AXDND1: variants seen among roughly 807,000 people sequenced by gnomAD.
AXDND1 encodes the protein axonemal dynein light chain domain containing 1.
AXDND1 carries 110 observed loss-of-function variants against 137.5 expected under a neutral mutation model. The observed-to-expected ratio is 0.80, with a 90% confidence interval of 0.69 to 0.94. AXDND1 has a LOEUF of 0.94. Ranked by LOEUF, AXDND1 falls within the 40% of genes least tolerant of loss-of-function variation. The probability of loss-of-function intolerance (pLI) is 0.00; values close to 1 mark genes in which losing one functional copy is unlikely to be tolerated. For synonymous variants in AXDND1, 414 were observed against 399.7 expected, an observed-to-expected ratio of 1.04 and a Z score of -0.43; for missense variants, 1,191 against 1,169.8, an observed-to-expected ratio of 1.02 and a Z score of -0.26.
In AXDND1 at chr1:179,382,755, A is replaced by T. The variant is rs1483425655; in HGVS notation, c.637A>T (p.Met213Leu). 2.5e-6 allele frequency: 4 copies of T among 1,585,790 alleles called. No homozygotes were observed. Among genetic ancestry groups the T allele is most frequent in the East Asian group, 2.2e-5 (1 of 44,610 alleles). The stretch of plus-strand genomic sequence containing the variant: ...AAACAGGCTATTGCTCTTCCCATCC[A>T]TGTAAGTACAGTTTATTTTCTAAAG... ...SENRLLLFPS[M>L]KPNKRVEVAQ... The change falls in exon 7 of 26, where the codon ATG becomes TTG. Residue 213 changes from methionine (M) to leucine (L), a missense_variant and splice_region_variant. Coordinates refer to ENST00000367618, the MANE Select transcript of AXDND1 (RefSeq NM_144696.6).
At chr1:179,437,062 A>G (rs7532985) in intron 15 of AXDND1, among the ~76,000 whole-genome samples, 67 of 138,812 alleles carry the variant, frequency 4.8e-4, no homozygotes, top group African/African-American at 1.7e-3. Context: ...TAAAAGAGAC[A>G]CTCACTGAAA....
At chr1:179,541,581 A>G (rs189460132) in intron 25 of AXDND1, among the ~76,000 whole-genome samples, 2 of 152,156 alleles carry the variant, frequency 1.3e-5, no homozygotes, top group East Asian at 3.9e-4. Context: ...ACATACAACC[A>G]TTTTAGAAAA....
At chr1:179,394,749 G>A (rs577329584) in intron 10 of AXDND1, among the ~76,000 whole-genome samples, 1 of 152,208 alleles carries the variant, frequency 6.6e-6, no homozygotes, top group South Asian at 2.1e-4. Flanking sequence ...TAACCTTGAA[G>A]CAAGATGGTT....
chr1:179,394,251 ACT>A (rs1334497807), intron 10 of AXDND1, among the ~76,000 whole-genome samples: 1 of 152,022 alleles, frequency 6.6e-6, no homozygotes, highest in Non-Finnish European at 1.5e-5. Context: ...AAAAATGAAG[ACT>A]CTGTATATAT....
chr1:179,429,822 A>C (rs1451412625), intron 13 of AXDND1, among the ~76,000 whole-genome samples: 1 of 151,690 alleles, frequency 6.6e-6, no homozygotes. Context: ...CAATTTATTT[A>C]AGTTTAATAA....
At position 179,501,536 on chromosome 1, in the gene AXDND1, C is replaced by T. The variant is rs59382973; in HGVS notation, c.2389-7760C>T. On this transcript the variant is annotated intron_variant, in intron 20 of 25. Transcript: ENST00000367618. ...ACCATCCTGACTAATACAGTGAAAC[C>T]CCATCTCTACTAAAAATACAAAAAA... Among the ~76,000 whole-genome samples the T allele has an allele frequency of 6.2e-3, 944 of 152,128 alleles. 10 individuals are homozygous for T. Among genetic ancestry groups the T allele is most frequent in the African/African-American group, 0.022 (896 of 41,500 alleles).
At chr1:179,411,413 C>A in intron 12 of AXDND1, 147 bp downstream of exon 12, 4 of 1,052,036 alleles carry the variant, frequency 3.8e-6, no homozygotes, top group Non-Finnish European at 5.4e-6. Flanking sequence ...GATGTGATCT[C>A]GGCTCACTGC....
intron 25 of AXDND1, chr1:179,552,754 C>G (rs752112834): frequency 1.5e-5 from 17 of 1,160,126 alleles, no homozygotes; most frequent in Non-Finnish European, 1.9e-5. Context: ...CACAGACTTG[C>G]AAGCCTCTCT....
chr1:179,380,031 C>G (rs1038738002), intron 6 of AXDND1, among the ~76,000 whole-genome samples: 1 of 151,976 alleles, frequency 6.6e-6, no homozygotes, highest in Non-Finnish European at 1.5e-5. Flanking sequence ...GAGCAGATCA[C>G]GAGGTCGGGA....
At chr1:179,379,950 T>G (rs1647969224) in intron 6 of AXDND1, among the ~76,000 whole-genome samples, 1 of 151,330 alleles carries the variant, frequency 6.6e-6, no homozygotes, top group Non-Finnish European at 1.5e-5. Flanking sequence ...CCTAATACAA[T>G]TAAGAAAGAT....
intron 23 of AXDND1, among the ~76,000 whole-genome samples, chr1:179,532,165 A>G (rs1295531054): frequency 6.6e-6 from 1 of 152,200 alleles, no homozygotes; most frequent in Non-Finnish European, 1.5e-5. Flanking sequence ...AGGACTTGAA[A>G]TGGACCACAA....
At chr1:179,431,433 T>A (rs1361577683) in intron 14 of AXDND1, among the ~76,000 whole-genome samples, 4 of 151,888 alleles carry the variant, frequency 2.6e-5, no homozygotes, top group African/African-American at 9.7e-5. Context: ...TGAGCCACCA[T>A]GCCCAGCCTG....
At chr1:179,411,795 T>C (rs1327331473) in intron 12 of AXDND1, among the ~76,000 whole-genome samples, 1 of 152,070 alleles carries the variant, frequency 6.6e-6, no homozygotes, top group African/African-American at 2.4e-5. Flanking sequence ...GTGGTTCTTA[T>C]CTCTTCATAC....
chr1:179,455,921 A>T (rs1282499435), intron 16 of AXDND1: 4 of 244,614 alleles, frequency 1.6e-5, no homozygotes, highest in African/African-American at 6.9e-5. Context: ...TCACAATCAG[A>T]CTATTACATT....
chr1:179,550,961 C>T, intron 25 of AXDND1: 1 of 620,976 alleles, frequency 1.6e-6, no homozygotes. Context: ...ATTGCTCTGA[C>T]TAGATGAGTC....
Position 179,534,712 on chromosome 1 carries a change from T to A in AXDND1, c.2799-18T>A. 6.4e-7 allele frequency: 1 copy of A among 1,559,620 alleles called. No individual in the cohort carries two copies. The highest frequency in any genetic ancestry group is 2.3e-5 in the East Asian group (1 of 44,396). On this transcript the variant is annotated intron_variant, in intron 24 of 25. Transcript: ENST00000367618. ...TTTCAACCCTTTCTATTTTGTTGTG[T>A]CTTCTCTTCCATATCAGGGAGGTTG... is the stretch of plus-strand genomic sequence containing the variant.
intron 16 of AXDND1, among the ~76,000 whole-genome samples, chr1:179,464,083 T>A (rs1662771119): frequency 6.6e-6 from 1 of 152,202 alleles, no homozygotes; most frequent in African/African-American, 2.4e-5. Context: ...TTTGCCAGTC[T>A]GTGTCTTTTA....
intron 11 of AXDND1, among the ~76,000 whole-genome samples, chr1:179,408,885 A>G (rs1318439639): frequency 6.7e-6 from 1 of 150,082 alleles, no homozygotes; most frequent in Non-Finnish European, 1.5e-5. Flanking sequence ...TGGTCTTACT[A>G]TGTTGCCAAG....
intron 17 of AXDND1, among the ~76,000 whole-genome samples, chr1:179,481,727 G>T (rs931475402): frequency 2.6e-5 from 4 of 152,166 alleles, no homozygotes; most frequent in Non-Finnish European, 4.4e-5. Context: ...GCATTTCTCT[G>T]ATGGCCAGTG....
Sources: gnomAD v4.1 joint callset for allele counts (sites outside exome capture counted in the v4.1 genomes callset) on GRCh38, gnomAD v4.1.1 for gene constraint, MANE v1.5 for transcripts, NCBI Gene and HGNC (gene_info 2026-07-23, HGNC 2026-07-21) for gene names.